Variants in CCDC148 observed in about 807,000 individuals in gnomAD.
CCDC148 encodes coiled-coil domain-containing protein 148.
CCDC148 carries 89 observed loss-of-function variants against 85.7 expected under a neutral mutation model. The ratio of observed to expected loss-of-function variants is 1.04; its 90% CI spans 0.87 to 1.24. The LOEUF is 1.24. Ranked by LOEUF, CCDC148 falls within the 50% of genes most tolerant of loss-of-function variation. The probability of loss-of-function intolerance (pLI) is 0.00; values close to 1 mark genes in which losing one functional copy is unlikely to be tolerated. For missense variants in CCDC148, 692 were observed against 671.7 expected, an observed-to-expected ratio of 1.03 and a Z score of -0.33; for synonymous variants, 230 against 213.9, an observed-to-expected ratio of 1.08 and a Z score of -0.66.
At chr2:158,225,310 C>T (rs1687445612) in intron 10 of CCDC148, among the ~76,000 whole-genome samples, 1 of 152,072 alleles carries the variant, frequency 6.6e-6, no homozygotes, top group Non-Finnish European at 1.5e-5. Context: ...TAAAGCAAGT[C>T]CTTAGAGACC....
intron 10 of CCDC148, among the ~76,000 whole-genome samples, chr2:158,239,140 C>T (rs1688237827): frequency 6.6e-6 from 1 of 152,096 alleles, no homozygotes; most frequent in African/African-American, 2.4e-5. Flanking sequence ...TTAATTAAAT[C>T]AAATCCCTAT....
intron 3 of CCDC148, among the ~76,000 whole-genome samples, chr2:158,341,243 T>C (rs377669993): frequency 2.0e-4 from 31 of 152,162 alleles, no homozygotes; most frequent in East Asian, 1.5e-3. Flanking sequence ...TATATGTGTA[T>C]GTATATACTA....
chr2:158,454,931 TC>T (rs1273032233), intron 1 of CCDC148, among the ~76,000 whole-genome samples: 2 of 152,134 alleles, frequency 1.3e-5, no homozygotes, highest in Non-Finnish European at 2.9e-5. Context: ...AAACACGAAA[TC>T]TACAATATCA....
Position 158,340,676 on chromosome 2 carries a change from T to C in CCDC148, c.256A>G (p.Lys86Glu). The change falls in exon 4 of 14, where the codon AAA (lysine) becomes GAA (glutamate). Residue 86 changes from lysine (K) to glutamate (E), a missense_variant. Coordinates refer to ENST00000283233, the MANE Select transcript of CCDC148 (RefSeq NM_138803.4). The stretch of plus-strand genomic sequence containing the variant: ...AGGGATTTTATTTCAGATTCCATTT[T>C]ACATCTGAAATAGATGTGATCTCAA... ...EYQRLNEVRCKMESEIKSLLN... is the reference protein window; with the variant it reads ...EYQRLNEVRCEMESEIKSLLN... 5 of 1,527,200 alleles carry C rather than the reference T, an allele frequency of 3.3e-6. No homozygotes were observed. Among genetic ancestry groups the C allele is most frequent in the Admixed American group, 1.8e-5 (1 of 57,022 alleles). 94.6% of individuals were successfully genotyped at this position (1,527,200 alleles called of 1,614,324 possible). A position where few individuals can be genotyped will look rare whatever the true frequency, so the allele number is the denominator to read the frequency against.
chr2:158,249,598 C>G (rs1292567263), intron 10 of CCDC148, among the ~76,000 whole-genome samples: 1 of 152,120 alleles, frequency 6.6e-6, no homozygotes, highest in Non-Finnish European at 1.5e-5. Flanking sequence ...CATATAACTT[C>G]TATGTATGTT....
intron 11 of CCDC148, among the ~76,000 whole-genome samples, chr2:158,210,088 A>T (rs1045578524): frequency 6.6e-6 from 1 of 152,214 alleles, no homozygotes; most frequent in African/African-American, 2.4e-5. Context: ...AAAGACACAC[A>T]TAGGCTCAAA....
chr2:158,342,026 C>CTTTTT (rs1159799812), intron 3 of CCDC148, among the ~76,000 whole-genome samples: 309 of 62,610 alleles, frequency 4.9e-3, no homozygotes, highest in African/African-American at 5.8e-3. Flanking sequence ...ATTTTCTTTT[C>CTTTTT]TTTTTTTTTT....
chr2:158,199,049 T>C (rs1284439150), intron 11 of CCDC148, among the ~76,000 whole-genome samples: 1 of 152,070 alleles, frequency 6.6e-6, no homozygotes, highest in Admixed American at 6.6e-5. Flanking sequence ...TTGAAAGGTA[T>C]GTATAGGCTT....
chr2:158,290,892 C>T (rs1017222062), intron 9 of CCDC148, among the ~76,000 whole-genome samples: 3 of 152,016 alleles, frequency 2.0e-5, no homozygotes, highest in African/African-American at 7.2e-5. Context: ...TCATTTCTTT[C>T]AATTCTTTGG....
intron 1 of CCDC148, among the ~76,000 whole-genome samples, chr2:158,436,525 G>A (rs1687658276): frequency 1.3e-5 from 2 of 152,172 alleles, no homozygotes; most frequent in Admixed American, 6.5e-5. Flanking sequence ...GAGAAAGCAG[G>A]AAAGATCTAA....
chr2:158,264,502 T>C (rs1689371344), intron 9 of CCDC148, among the ~76,000 whole-genome samples: 1 of 152,130 alleles, frequency 6.6e-6, no homozygotes, highest in South Asian at 2.1e-4. Flanking sequence ...ATAGTGCATG[T>C]TGATATGTGT....
At position 158,207,954 on chromosome 2, in the gene CCDC148, GACACACAC is replaced by G. The variant is rs34660144; in HGVS notation, c.1370+12633_1370+12640del. ...TACAGAAAGGTGTTCATTTTGATCT[GACACACAC>G]ACACACACACACACACACACACACT... On this transcript the variant is annotated intron_variant, in intron 11 of 13. Transcript: ENST00000283233. 1.3e-3 allele frequency among the ~76,000 whole-genome samples: 198 copies of G among 149,094 alleles called. 3 individuals are homozygous for G. The highest frequency in any genetic ancestry group is 0.01 in the East Asian group (52 of 5,012).
chr2:158,322,623 A>C (rs1234125516), intron 7 of CCDC148, among the ~76,000 whole-genome samples: 1 of 152,096 alleles, frequency 6.6e-6, no homozygotes, highest in Non-Finnish European at 1.5e-5. Context: ...TATTAAGAGA[A>C]ATATGCACAA....
chr2:158,209,836 C>T (rs935911913), intron 11 of CCDC148, among the ~76,000 whole-genome samples: 2 of 152,054 alleles, frequency 1.3e-5, no homozygotes, highest in African/African-American at 4.8e-5. Context: ...AAAGAAAAAA[C>T]CGGTACCAGC....
intron 2 of CCDC148, among the ~76,000 whole-genome samples, chr2:158,355,444 CAGAG>C (rs1421526770): frequency 3.3e-5 from 5 of 152,076 alleles, no homozygotes; most frequent in Admixed American, 1.3e-4. Flanking sequence ...AACAGAAAAA[CAGAG>C]AGCCAAATCA....
At chr2:158,377,492 T>C (rs561701371) in intron 1 of CCDC148, among the ~76,000 whole-genome samples, 1 of 152,048 alleles carries the variant, frequency 6.6e-6, no homozygotes, top group South Asian at 2.1e-4. Flanking sequence ...CCCAATCAAA[T>C]TAACAAAAAA....
intron 3 of CCDC148, among the ~76,000 whole-genome samples, chr2:158,341,274 T>C (rs1256287575): frequency 6.6e-6 from 1 of 151,526 alleles, no homozygotes; most frequent in South Asian, 2.1e-4. Flanking sequence ...CAAATCTTCA[T>C]GAGCTTATAT....
At chr2:158,359,193 T>G (rs1400940366) in intron 1 of CCDC148, among the ~76,000 whole-genome samples, 1 of 152,178 alleles carries the variant, frequency 6.6e-6, no homozygotes, top group Non-Finnish European at 1.5e-5. Context: ...TTACTCTAAG[T>G]TCAAGTAGCA....
Position 158,358,503 on chromosome 2 carries a change from T to C in CCDC148, c.93A>G (p.Gln31=). Residue 31 remains glutamine (Q), a synonymous_variant, in exon 2 of 14, where the codon CAA becomes CAG. Coordinates refer to ENST00000283233, the MANE Select transcript of CCDC148 (RefSeq NM_138803.4). ...NIKYKPVDYQ[Q]LRALTEAKKL... ...TCTTTGCTTCAGTTAATGCACGCAA[T>C]TGTTGATAGTCTACTGGTTTGTACT... 1 of 1,609,270 alleles carries C rather than the reference T, an allele frequency of 6.2e-7. No individual in the cohort carries two copies. The highest frequency in any genetic ancestry group is 8.5e-7 in the Non-Finnish European group (1 of 1,178,504).
Sources: gnomAD v4.1 joint callset for allele counts (sites outside exome capture counted in the v4.1 genomes callset) on GRCh38, gnomAD v4.1.1 for gene constraint, MANE v1.5 for transcripts, NCBI Gene and HGNC (gene_info 2026-07-23, HGNC 2026-07-21) for gene names.